RNASEH1: variants seen among roughly 807,000 people sequenced by gnomAD.
RNASEH1 encodes the protein ribonuclease H type II.
Under a neutral mutation model 34.6 loss-of-function variants are expected in RNASEH1, and 27 were observed. The observed-to-expected ratio is 0.78, with a 90% CI of 0.58 to 1.08. The LOEUF (loss-of-function observed/expected upper bound fraction) is 1.08, where lower values mean the gene tolerates loss of function less well. Among genes scored for constraint, RNASEH1 ranks in the 50% least tolerant of loss-of-function variants. RNASEH1 has a pLI of 0.00. For missense variants in RNASEH1, 349 were observed against 373.6 expected (o/e 0.93, Z 0.54); for synonymous variants, 162 against 138.4 (o/e 1.17, Z -1.20).
intron 2 of RNASEH1, 104 bp downstream of exon 2, chr2:3,556,685 G>A (rs898891284): frequency 1.4e-6 from 1 of 696,168 alleles, no homozygotes; most frequent in African/African-American, 1.8e-5. Context: ...AATCACACGA[G>A]GTTCCCTACA....
chr2:3,540,533 C>T (rs749731414), downstream of RNASEH1, among the ~76,000 whole-genome samples: 8 of 152,172 alleles, frequency 5.3e-5, no homozygotes, highest in African/African-American at 7.2e-5. Context: ...CTCAGCCTCC[C>T]GAGTAGCTGG....
rs1668648650 is a variant in RNASEH1, at chr2:3,545,320, A to T, written c.*465T>A. On this transcript the variant is annotated 3_prime_UTR_variant, in exon 8 of 8. Transcript: ENST00000315212. Reference sequence around the variant, plus strand: ...TGAGCTGTCCGCCCAGGCCCTGGGCAGCATGTTCCTTTAATGTACCCATGG... The same window carrying T: ...TGAGCTGTCCGCCCAGGCCCTGGGCTGCATGTTCCTTTAATGTACCCATGG... The T allele has an allele frequency of 5.8e-6, 1 of 172,488 alleles. No homozygotes were observed. The highest frequency in any genetic ancestry group is 1.4e-4 in the South Asian group (1 of 7,290). 10.7% of individuals were successfully genotyped at this position (172,488 alleles called of 1,614,324 possible). A position where few individuals can be genotyped will look rare whatever the true frequency, so the allele number is the denominator to read the frequency against.
chr2:3,547,292 C>T (rs1668844542), intron 7 of RNASEH1, among the ~76,000 whole-genome samples: 1 of 152,154 alleles, frequency 6.6e-6, no homozygotes, highest in Non-Finnish European at 1.5e-5. Flanking sequence ...ATCCTCCCAC[C>T]TCAGTGTCCT....
chr2:3,558,132 CCAGGT>C lies in RNASEH1; in HGVS notation c.124_128del (p.Thr42GlufsTer2). On this transcript the variant is annotated frameshift_variant and splice_region_variant, in exon 1 of 8. Transcript: ENST00000315212. LOFTEE classifies it high-confidence loss of function. ...GGCGCCTCGGCGGGCGGGCCACTCA[CCAGGT>C]CAGAAAGACCCCGGTCTTGCGGCCC... is the stretch of plus-strand genomic sequence containing the variant. 6.3e-7 allele frequency: 1 copy of C among 1,595,360 alleles called. No homozygotes were observed. The highest frequency in any genetic ancestry group is 1.3e-5 in the African/African-American group (1 of 74,108).
At chr2:3,546,852 A>G (rs1371782816) in intron 7 of RNASEH1, among the ~76,000 whole-genome samples, 1 of 152,238 alleles carries the variant, frequency 6.6e-6, no homozygotes, top group East Asian at 1.9e-4. Flanking sequence ...ATAGGAAGTG[A>G]CACAAAACAA....
At chr2:3,552,420 A>T in intron 2 of RNASEH1, 112 bp from the exon 3 acceptor site, 11 of 1,030,754 alleles carry the variant, frequency 1.1e-5, no homozygotes, top group African/African-American at 1.7e-5. Context: ...ACTTAAAAAC[A>T]CCCTCTCTAT....
At chr2:3,535,692 C>CT in the RNASEH1 span, among the ~76,000 whole-genome samples, 2 of 152,040 alleles carry the variant, frequency 1.3e-5, no homozygotes. Flanking sequence ...GCATTTTATT[C>CT]TGAGAGGGAC....
At chr2:3,552,971 G>A (rs1444932512) in intron 2 of RNASEH1, among the ~76,000 whole-genome samples, 1 of 152,198 alleles carries the variant, frequency 6.6e-6, no homozygotes, top group African/African-American at 2.4e-5. Context: ...TGAATAAACA[G>A]ATAATGGGAC....
intron 7 of RNASEH1, among the ~76,000 whole-genome samples, chr2:3,547,484 T>TA (rs1381665362): frequency 1.4e-5 from 2 of 144,090 alleles, no homozygotes; most frequent in African/African-American, 5.2e-5. Flanking sequence ...CTCACATATT[T>TA]TTTTTTTTTT....
chr2:3,541,265 C>T (rs1668284290), downstream of RNASEH1, among the ~76,000 whole-genome samples: 1 of 151,020 alleles, frequency 6.6e-6, no homozygotes, highest in Non-Finnish European at 1.5e-5. Context: ...GGAGGCAGAG[C>T]TTACAGTGAG....
chr2:3,554,887 G>GT (rs1660332266), intron 2 of RNASEH1, among the ~76,000 whole-genome samples: 1 of 152,230 alleles, frequency 6.6e-6, no homozygotes. Flanking sequence ...ATGAACAGCT[G>GT]TAACAGCGAG....
chr2:3,541,094 C>T (rs985010482), downstream of RNASEH1, among the ~76,000 whole-genome samples: 5 of 151,876 alleles, frequency 3.3e-5, no homozygotes, highest in East Asian at 3.9e-4. Flanking sequence ...TTTGGGAGGC[C>T]GAGGCAGGCG....
chr2:3,550,369 T>G lies in RNASEH1; in HGVS notation c.509+4A>C. 5 of 1,609,956 alleles carry G rather than the reference T, an allele frequency of 3.1e-6. No individual in the cohort carries two copies. The highest frequency in any genetic ancestry group is 3.4e-6 in the Non-Finnish European group (4 of 1,176,244). On this transcript the variant is annotated splice_donor_region_variant and intron_variant, in intron 4 of 7. Coordinates refer to ENST00000315212, the MANE Select transcript of RNASEH1 (RefSeq NM_002936.6). ...TCAGTAAAACTCAGCTTCGTTTAAC[T>G]TACAAAGGATGGCCTGGCCCCCAGT... is the stretch of plus-strand genomic sequence containing the variant.
At chr2:3,555,482 C>G (rs577879533) in intron 2 of RNASEH1, among the ~76,000 whole-genome samples, 26 of 152,260 alleles carry the variant, frequency 1.7e-4, no homozygotes, top group Admixed American at 9.2e-4. Context: ...GAGGGTCGAC[C>G]CTGCTTTGCA....
the RNASEH1 span, chr2:3,533,886 G>T: frequency 1.3e-5 from 2 of 152,286 alleles, no homozygotes; most frequent in African/African-American, 4.8e-5. Flanking sequence ...GGCAGACTGG[G>T]GCAGGTCCCC....
chr2:3,541,604 C>T lies in RNASEH1; in HGVS notation c.*4181G>A, dbSNP rs192197207. 1.4e-4 allele frequency among the ~76,000 whole-genome samples: 22 copies of T among 152,202 alleles called. No individual in the cohort carries two copies. The East Asian group carries it at 4.1e-3, about 28-fold the overall frequency. On this transcript the variant is annotated 3_prime_UTR_variant, in exon 8 of 8. Coordinates refer to ENST00000315212, the MANE Select transcript of RNASEH1 (RefSeq NM_002936.6). ...AAATAATTATGCTGAGTAGAAGCAC[C>T]TCCCCCCACAGTACTTGCTCTGCGA...
chr2:3,536,272 C>T, the RNASEH1 span, among the ~76,000 whole-genome samples: 9 of 152,198 alleles, frequency 5.9e-5, no homozygotes, highest in Non-Finnish European at 1.3e-4. Flanking sequence ...GAAGAACGGT[C>T]GGCCTAGAGT....
At chr2:3,534,620 C>T in the RNASEH1 span, among the ~76,000 whole-genome samples, 4 of 152,272 alleles carry the variant, frequency 2.6e-5, no homozygotes, top group Non-Finnish European at 5.9e-5. Flanking sequence ...CGGCTGAGCG[C>T]GGATCCTGTG....
chr2:3,534,177 G>A, the RNASEH1 span: 1 of 152,314 alleles, frequency 6.6e-6, no homozygotes, highest in Non-Finnish European at 1.5e-5. Context: ...TCATGCAATA[G>A]AAGTTTTTTT....
Sources: allele counts gnomAD v4.1 joint callset (sites outside exome capture counted in the v4.1 genomes callset), GRCh38; gene constraint gnomAD v4.1.1; transcripts MANE v1.5; gene names NCBI Gene and HGNC (gene_info 2026-07-23, HGNC 2026-07-21).